The following ZNF324B variants were observed in gnomAD, a reference collection of about 807,000 sequenced individuals.
ZNF324B encodes zinc finger protein 324B.
Under a neutral mutation model 10.6 loss-of-function variants are expected in ZNF324B, and 7 were observed. The ratio of observed to expected loss-of-function variants is 0.66; its 90% confidence interval spans 0.38 to 1.24. ZNF324B has a LOEUF of 1.24. Among genes scored for constraint, ZNF324B ranks in the 50% most tolerant of loss-of-function variants. The pLI is 0.02. For synonymous variants in ZNF324B, 316 were observed against 321.0 expected, an observed-to-expected ratio of 0.98 and a Z score of 0.17; for missense variants, 640 against 764.7, an observed-to-expected ratio of 0.84 and a Z score of 1.92.
At chr19:58,448,971 A>G (rs575049000), upstream of ZNF324B, among the ~76,000 whole-genome samples, 5 of 152,330 alleles carry the variant, frequency 3.3e-5, no homozygotes, top group South Asian at 2.1e-4. Context: ...AATGGGGAAA[A>G]TATCTCCAGG....
chr19:58,424,971 T>C, the ZNF324B span, among the ~76,000 whole-genome samples: 7 of 152,058 alleles, frequency 4.6e-5, no homozygotes, highest in Non-Finnish European at 7.4e-5. Flanking sequence ...TTAGAAACAA[T>C]TTGGCCAGGC....
intron 1 of ZNF324B, chr19:58,452,122 G>C (rs528454358): frequency 6.2e-6 from 1 of 160,348 alleles, no homozygotes; most frequent in East Asian, 1.9e-4. Flanking sequence ...AAACTCCTGC[G>C]TCCAGGGCAC....
At chr19:58,432,378 G>A in the ZNF324B span, 4 of 496,358 alleles carry the variant, frequency 8.1e-6, no homozygotes, top group Admixed American at 2.1e-5. Context: ...CCCTCACCCT[G>A]CACAGTCCCA....
At position 58,456,689 on chromosome 19, in the gene ZNF324B, A is replaced by T; in HGVS notation, c.*110A>T. The T allele has an allele frequency of 2.2e-6, 3 of 1,347,830 alleles. No individual in the cohort carries two copies. Among genetic ancestry groups the T allele is most frequent in the Non-Finnish European group, 3.0e-6 (3 of 997,508 alleles). 83.5% of individuals were successfully genotyped at this position (1,347,830 alleles called of 1,614,324 possible). ...GATGGGGAAAAGCTCTGTGCCTGAG[A>T]GTCAGGGACGAGGGAGACCCTTTGG... On this transcript the variant is annotated 3_prime_UTR_variant, in exon 4 of 4. Transcript: ENST00000336614. The surrounding 1 kb of genome is among the most constrained non-coding windows in gnomAD (Gnocchi z 4.7).
the ZNF324B span, among the ~76,000 whole-genome samples, chr19:58,423,275 C>G: frequency 1.3e-5 from 2 of 152,200 alleles, no homozygotes; most frequent in Non-Finnish European, 2.9e-5. Flanking sequence ...ATTCTCCTGC[C>G]TCAGCCTCCA....
chr19:58,456,829 A>G lies in ZNF324B; in HGVS notation c.*250A>G, dbSNP rs2052927793. On this transcript the variant is annotated 3_prime_UTR_variant, in exon 4 of 4. Coordinates refer to ENST00000336614, the MANE Select transcript of ZNF324B (RefSeq NM_207395.3). The surrounding 1 kb of genome is among the most constrained non-coding windows in gnomAD (Gnocchi z 4.7). ...TCAGAGGGAGGACATGTCAGCTGGA[A>G]CTCTGGTGGGGCTGAGGCTGTAGTT... is the stretch of plus-strand genomic sequence containing the variant. The G allele has an allele frequency of 1.7e-6, 1 of 577,134 alleles. No homozygotes were observed. The highest frequency in any genetic ancestry group is 2.9e-5 in the East Asian group (1 of 34,908). The allele number at this position is 577,134 out of a possible 1,614,324, so 35.8% of individuals were successfully genotyped here.
the ZNF324B span, among the ~76,000 whole-genome samples, chr19:58,431,787 C>T: frequency 2.0e-5 from 3 of 152,180 alleles, no homozygotes; most frequent in Admixed American, 1.3e-4. Flanking sequence ...GTCAGGAGAT[C>T]GAGACCATCC....
the ZNF324B span, chr19:58,419,246 C>T: frequency 1.1e-4 from 16 of 152,160 alleles, no homozygotes; most frequent in Admixed American, 5.2e-4. Context: ...AGGGAATGTT[C>T]CAGAACTTCC....
chr19:58,445,166 C>T, the ZNF324B span: 6 of 287,810 alleles, frequency 2.1e-5, no homozygotes, highest in South Asian at 6.1e-5. Context: ...TGTACAAATG[C>T]AATAACTACA....
At chr19:58,422,444 T>C in the ZNF324B span, among the ~76,000 whole-genome samples, 3 of 152,162 alleles carry the variant, frequency 2.0e-5, no homozygotes, top group African/African-American at 7.2e-5. Context: ...GGTATCCAAA[T>C]TGGAGGAGAC....
rs2052890608 is a variant in ZNF324B at position 58,454,260 on chromosome 19, C to T, written c.154C>T (p.Gln52Ter). 1.2e-6 allele frequency: 2 copies of T among 1,613,976 alleles called. No individual in the cohort carries two copies. The highest frequency in any genetic ancestry group is 1.7e-6 in the Non-Finnish European group (2 of 1,179,974). ...LSTSRPRVVI[Q>*]LERGEEPWVP... ...TACCTCCCGACCTCGTGTGGTCATT[C>T]AACTTGAGCGTGGCGAGGAGCCCTG... is the stretch of plus-strand genomic sequence containing the variant. The change falls in exon 3 of 4, where the codon CAA becomes TAA. Residue 52 changes from glutamine (Q) to a stop codon, truncating the protein, a stop_gained. Transcript: ENST00000336614. LOFTEE classifies it high-confidence loss of function.
the ZNF324B span, among the ~76,000 whole-genome samples, chr19:58,436,518 A>T: frequency 0.025 from 3,786 of 151,894 alleles, 154 homozygotes; most frequent in African/African-American, 0.084. Context: ...TACAAAAAAA[A>T]TTAGCTGGGT....
chr19:58,447,179 T>C (rs115768629), upstream of ZNF324B, among the ~76,000 whole-genome samples: 6,455 of 151,682 alleles, frequency 0.043, 429 homozygotes, highest in African/African-American at 0.15. Context: ...TTTCACCATA[T>C]ATTGGCCAGG....
At chr19:58,451,447 A>G (rs1390597507), upstream of ZNF324B, among the ~76,000 whole-genome samples, 1 of 152,220 alleles carries the variant, frequency 6.6e-6, no homozygotes, top group East Asian at 1.9e-4. Context: ...GCGCTACTCC[A>G]TTTCCAGGCG....
At chr19:58,427,366 CTT>C in the ZNF324B span, among the ~76,000 whole-genome samples, 2,476 of 39,880 alleles carry the variant, frequency 0.062, 31 homozygotes, top group African/African-American at 0.064. Context: ...TTCTTTCTTT[CTT>C]TCTTTCTTTC....
the ZNF324B span, among the ~76,000 whole-genome samples, chr19:58,427,354 CTTTCTTTCTTTCTTTCTTTCTTT>C: frequency 5.9e-5 from 3 of 51,266 alleles, no homozygotes; most frequent in African/African-American, 1.4e-4. Flanking sequence ...TCTTTCCTTT[CTTTCTTTCTTTCTTTCTTTCTTT>C]CTTTCTTTCT....
At chr19:58,444,013 T>G in the ZNF324B span, 5 of 152,210 alleles carry the variant, frequency 3.3e-5, no homozygotes, top group East Asian at 9.6e-4. Context: ...AATTAGGCCA[T>G]GGACAGAGAG....
the ZNF324B span, chr19:58,418,620 T>A: frequency 6.6e-6 from 1 of 152,160 alleles, no homozygotes; most frequent in African/African-American, 2.4e-5. Flanking sequence ...CCTGGCCTAG[T>A]TTTTTTAGAG....
chr19:58,434,428 C>A, the ZNF324B span: 2 of 1,614,242 alleles, frequency 1.2e-6, no homozygotes, highest in South Asian at 2.2e-5. Context: ...TGAGTGAATT[C>A]TCTGATGATG....
Sources: gnomAD v4.1 joint callset for allele counts (sites outside exome capture counted in the v4.1 genomes callset) on GRCh38, gnomAD v4.1.1 for gene constraint, Gnocchi (gnomAD v3.1) non-coding constraint, MANE v1.5 for transcripts, NCBI Gene and HGNC (gene_info 2026-07-23, HGNC 2026-07-21) for gene names.